Variants in TAFA5 observed in about 807,000 individuals in gnomAD.
The protein encoded by TAFA5 is TAFA chemokine like family member 5, also known as chemokine-like protein TAFA-5.
In TAFA5, 6 loss-of-function variants were observed where a neutral mutation model predicts 15.3. The ratio of observed to expected loss-of-function variants is 0.39; its 90% CI spans 0.21 to 0.77. TAFA5 has a LOEUF of 0.77. Ranked by LOEUF, TAFA5 falls within the 30% of genes least tolerant of loss-of-function variation. The pLI is 0.41. For missense variants in TAFA5, 161 were observed against 193.1 expected, an observed-to-expected ratio of 0.83 and a Z score of 0.98; for synonymous variants, 103 against 80.7, an observed-to-expected ratio of 1.28 and a Z score of -1.48.
intron 1 of TAFA5, among the ~76,000 whole-genome samples, chr22:48,578,995 G>A (rs1923928157): frequency 6.6e-6 from 1 of 152,252 alleles, no homozygotes; most frequent in South Asian, 2.1e-4. Context: ...CTGGGCCTGA[G>A]TGGGAAAGAG....
At chr22:48,692,836 C>T (rs1928584339) in intron 2 of TAFA5, among the ~76,000 whole-genome samples, 2 of 152,220 alleles carry the variant, frequency 1.3e-5, no homozygotes, top group Admixed American at 1.3e-4. Context: ...CAGTCACCGA[C>T]CTCAGGCCCC....
chr22:48,517,742 C>T lies in TAFA5; in HGVS notation c.112+28038C>T, dbSNP rs140672754. Among the ~76,000 whole-genome samples, 52 of 152,278 alleles carry T rather than the reference C, an allele frequency of 3.4e-4. 2 individuals carry two copies. In the East Asian group the frequency reaches 9.3e-3, roughly 27 times the overall value. ...CCGAGATCCCCACATCCAGCAGCCG[C>T]GGTGAGGCTGGCCTGCCTGCTTCCC... is the stretch of plus-strand genomic sequence containing the variant. On this transcript the variant is annotated intron_variant, in intron 1 of 3. Coordinates refer to ENST00000402357, the MANE Select transcript of TAFA5 (RefSeq NM_001082967.3).
At chr22:48,520,637 G>A (rs375308825) in intron 1 of TAFA5, among the ~76,000 whole-genome samples, 57 of 152,336 alleles carry the variant, frequency 3.7e-4, no homozygotes, top group African/African-American at 1.3e-3. Flanking sequence ...GGGATTTGGA[G>A]AGAGACCAGG....
chr22:48,678,468 G>A (rs1928047798), intron 2 of TAFA5, among the ~76,000 whole-genome samples: 1 of 152,162 alleles, frequency 6.6e-6, no homozygotes, highest in Admixed American at 6.5e-5. Flanking sequence ...CGAGAATGCT[G>A]AGGCCTGTGG....
chr22:48,719,643 G>A (rs754454808), intron 3 of TAFA5, among the ~76,000 whole-genome samples: 22 of 152,220 alleles, frequency 1.4e-4, no homozygotes, highest in Non-Finnish European at 2.8e-4. Flanking sequence ...AGACGGCGCA[G>A]GGGTGGGTAC....
intron 1 of TAFA5, among the ~76,000 whole-genome samples, chr22:48,631,626 C>T (rs866597956): frequency 2.6e-5 from 4 of 152,200 alleles, no homozygotes; most frequent in African/African-American, 4.8e-5. Flanking sequence ...TCCCGAGCCC[C>T]GTGTTAACTG....
intron 3 of TAFA5, among the ~76,000 whole-genome samples, chr22:48,733,033 T>C (rs987880331): frequency 2.3e-4 from 35 of 152,238 alleles, no homozygotes; most frequent in African/African-American, 8.0e-4. Context: ...AGCTTTTATA[T>C]GCACTGGGAA....
At position 48,647,385 on chromosome 22, in the gene TAFA5, G is replaced by A. The variant is rs534948924; in HGVS notation, c.262+639G>A. 2.7e-4 allele frequency among the ~76,000 whole-genome samples: 41 copies of A among 152,250 alleles called. No homozygotes were observed. The South Asian group carries it at 8.5e-3, about 32-fold the overall frequency. On this transcript the variant is annotated intron_variant, in intron 2 of 3. Coordinates refer to ENST00000402357, the MANE Select transcript of TAFA5 (RefSeq NM_001082967.3). ...CACCTGCTATGAGGTGACATGGGGC[G>A]GGAGGGGCTGTCCCGGCGTCTGGTG...
intron 2 of TAFA5, among the ~76,000 whole-genome samples, chr22:48,656,120 G>A (rs1009934558): frequency 6.6e-6 from 1 of 151,876 alleles, no homozygotes; most frequent in Non-Finnish European, 1.5e-5. Context: ...GCAATTACAG[G>A]TGTGAGCCAC....
intron 1 of TAFA5, among the ~76,000 whole-genome samples, chr22:48,499,766 G>A (rs1206443019): frequency 6.6e-6 from 1 of 152,182 alleles, no homozygotes; most frequent in African/African-American, 2.4e-5. Flanking sequence ...CTGTTTCCAG[G>A]GCCGTCTTCC....
chr22:48,524,129 C>G (rs967468043), intron 1 of TAFA5, among the ~76,000 whole-genome samples: 1 of 152,222 alleles, frequency 6.6e-6, no homozygotes, highest in African/African-American at 2.4e-5. Flanking sequence ...GGGATTTTCT[C>G]TCCTCCCTCC....
At chr22:48,514,844 G>A (rs920165838) in intron 1 of TAFA5, among the ~76,000 whole-genome samples, 6 of 152,242 alleles carry the variant, frequency 3.9e-5, no homozygotes, top group East Asian at 1.9e-4. Context: ...TGGGGCTGTT[G>A]CTCTGGGCTG....
intron 1 of TAFA5, among the ~76,000 whole-genome samples, chr22:48,639,840 G>A (rs2147197013): frequency 6.6e-6 from 1 of 152,330 alleles, no homozygotes; most frequent in African/African-American, 2.4e-5. Flanking sequence ...GTCCTGGAGA[G>A]CCAGCAGTCC....
intron 2 of TAFA5, among the ~76,000 whole-genome samples, chr22:48,661,467 G>C (rs12157607): frequency 0.29 from 43,673 of 152,130 alleles, 6,808 homozygotes; most frequent in African/African-American, 0.41. Flanking sequence ...CCGGTGCCCC[G>C]AGGGTTTGTC....
At chr22:48,652,478 C>A (rs557571921) in intron 2 of TAFA5, among the ~76,000 whole-genome samples, 1 of 152,338 alleles carries the variant, frequency 6.6e-6, no homozygotes, top group Non-Finnish European at 1.5e-5. Flanking sequence ...TCACAGGAGA[C>A]CGCCTGCTGG....
intron 1 of TAFA5, among the ~76,000 whole-genome samples, chr22:48,559,478 T>G (rs1315009787): frequency 6.6e-6 from 1 of 152,006 alleles, no homozygotes; most frequent in Non-Finnish European, 1.5e-5. Context: ...CCACAACCCC[T>G]CCTCTGACCC....
chr22:48,718,222 C>T (rs987481215), intron 3 of TAFA5, among the ~76,000 whole-genome samples: 29 of 152,294 alleles, frequency 1.9e-4, no homozygotes, highest in African/African-American at 7.0e-4. Context: ...CCTGGGATGC[C>T]CATGGCCACT....
intron 1 of TAFA5, among the ~76,000 whole-genome samples, chr22:48,591,111 C>A (rs1222837386): frequency 6.6e-6 from 1 of 152,352 alleles, no homozygotes; most frequent in African/African-American, 2.4e-5. Flanking sequence ...CTCGGCCTCC[C>A]AAAGTCATGA....
At chr22:48,548,324 G>A (rs1922745887) in intron 1 of TAFA5, among the ~76,000 whole-genome samples, 1 of 152,244 alleles carries the variant, frequency 6.6e-6, no homozygotes, top group African/African-American at 2.4e-5. Context: ...TCATCTCCCT[G>A]CCCTCCTGCT....
Sources: allele counts gnomAD v4.1 joint callset (sites outside exome capture counted in the v4.1 genomes callset), GRCh38; gene constraint gnomAD v4.1.1; transcripts MANE v1.5; gene names NCBI Gene and HGNC (gene_info 2026-07-23, HGNC 2026-07-21).